CHD9: variants seen among roughly 807,000 people sequenced by gnomAD.
CHD9 encodes chromodomain helicase DNA binding protein 9.
CHD9 carries 77 observed loss-of-function variants against 316.1 expected under a neutral mutation model. The ratio of observed to expected loss-of-function variants is 0.24; its 90% CI spans 0.20 to 0.29. The LOEUF (loss-of-function observed/expected upper bound fraction) is 0.29, where lower values mean the gene tolerates loss of function less well. CHD9 is among the 10% of genes least tolerant of loss of function. The pLI is 1.00. For missense variants in CHD9, 2,763 were observed against 3,438.1 expected, an observed-to-expected ratio of 0.80 and a Z score of 4.91; for synonymous variants, 1,129 against 1,158.3, an observed-to-expected ratio of 0.97 and a Z score of 0.51.
chr16:53,248,354 G>A (rs2049825815), intron 16 of CHD9, among the ~76,000 whole-genome samples: 1 of 149,882 alleles, frequency 6.7e-6, no homozygotes, highest in South Asian at 2.1e-4. Flanking sequence ...AAAAAAAATT[G>A]TCTAATCAGT....
chr16:53,140,416 CAAA>C (rs544725340), intron 1 of CHD9, among the ~76,000 whole-genome samples: 9 of 99,316 alleles, frequency 9.1e-5, no homozygotes, highest in Admixed American at 2.4e-4. Flanking sequence ...AACTCTGTCT[CAAA>C]AAAAAAAAAA....
chr16:53,056,844 G>A (rs1414115958), intron 1 of CHD9, among the ~76,000 whole-genome samples: 1 of 152,216 alleles, frequency 6.6e-6, no homozygotes. Flanking sequence ...AGAAAGTGCA[G>A]TAGATTCTCA....
chr16:53,077,998 G>A (rs568790929), intron 1 of CHD9, among the ~76,000 whole-genome samples: 9 of 152,206 alleles, frequency 5.9e-5, no homozygotes, highest in South Asian at 4.1e-4. Context: ...CGCTTGAACC[G>A]GGGAGGTGGA....
chr16:53,102,048 T>C (rs1298080696), intron 1 of CHD9, among the ~76,000 whole-genome samples: 1 of 152,202 alleles, frequency 6.6e-6, no homozygotes, highest in Admixed American at 6.5e-5. Flanking sequence ...TCTACTCTCA[T>C]ACTTCAGGGC....
intron 32 of CHD9, among the ~76,000 whole-genome samples, chr16:53,307,301 C>G (rs1361665799): frequency 6.6e-6 from 1 of 152,120 alleles, no homozygotes; most frequent in Non-Finnish European, 1.5e-5. Flanking sequence ...CACGGTCTTA[C>G]TCTGTCACCC....
chr16:53,199,129 C>T (rs990656943), intron 2 of CHD9, among the ~76,000 whole-genome samples: 13 of 151,874 alleles, frequency 8.6e-5, no homozygotes, highest in African/African-American at 3.1e-4. Context: ...TGGGGGTTCC[C>T]AAAAGTACCC....
chr16:53,259,628 G>A (rs998210592), intron 19 of CHD9, among the ~76,000 whole-genome samples: 5 of 152,006 alleles, frequency 3.3e-5, no homozygotes, highest in African/African-American at 7.2e-5. Flanking sequence ...TCCTCCTGCC[G>A]CAGCCTCCCA....
chr16:53,300,751 T>C (rs999437052), intron 30 of CHD9, among the ~76,000 whole-genome samples: 40 of 152,264 alleles, frequency 2.6e-4, no homozygotes, highest in African/African-American at 9.4e-4. Context: ...CATAAACCAG[T>C]GCAGGCACAG....
intron 2 of CHD9, among the ~76,000 whole-genome samples, chr16:53,203,170 G>A (rs2045600170): frequency 6.6e-6 from 1 of 152,066 alleles, no homozygotes; most frequent in Non-Finnish European, 1.5e-5. Context: ...TAATTATTAT[G>A]CTTCTATTTT....
chr16:53,083,894 G>C (rs532725528), intron 1 of CHD9, among the ~76,000 whole-genome samples: 1 of 152,108 alleles, frequency 6.6e-6, no homozygotes, highest in Non-Finnish European at 1.5e-5. Flanking sequence ...AGGACTACAA[G>C]TGTGCATCAC....
intron 34 of CHD9, among the ~76,000 whole-genome samples, chr16:53,313,128 A>G (rs1240843760): frequency 6.6e-6 from 1 of 152,146 alleles, no homozygotes; most frequent in Non-Finnish European, 1.5e-5. Flanking sequence ...TTGAGTGCCT[A>G]CTGAAATGAA....
At chr16:53,223,669 A>T (rs1473306418) in intron 4 of CHD9, among the ~76,000 whole-genome samples, 1 of 152,198 alleles carries the variant, frequency 6.6e-6, no homozygotes, top group South Asian at 2.1e-4. Flanking sequence ...TGTAATTTTC[A>T]AACAATGACA....
intron 12 of CHD9, among the ~76,000 whole-genome samples, chr16:53,241,865 T>C (rs2049129200): frequency 1.3e-5 from 2 of 152,186 alleles, no homozygotes; most frequent in East Asian, 3.9e-4. Flanking sequence ...TAAAAATTTA[T>C]GTCAAATCAG....
chr16:53,118,627 A>G (rs1304530654), intron 1 of CHD9, among the ~76,000 whole-genome samples: 1 of 152,124 alleles, frequency 6.6e-6, no homozygotes, highest in Non-Finnish European at 1.5e-5. Flanking sequence ...CTCATTCTCT[A>G]AAACCATGGG....
chr16:53,166,260 CAG>C (rs2042262323), intron 2 of CHD9, among the ~76,000 whole-genome samples: 1 of 152,112 alleles, frequency 6.6e-6, no homozygotes, highest in Non-Finnish European at 1.5e-5. Context: ...ATCAGAGTAA[CAG>C]ACATTCCTGT....
At chr16:53,242,209 A>G (rs79621467) in intron 12 of CHD9, among the ~76,000 whole-genome samples, 4 of 152,210 alleles carry the variant, frequency 2.6e-5, no homozygotes, top group Admixed American at 6.5e-5. Context: ...CTCCAACCTT[A>G]TACTTCTTAT....
At chr16:53,290,653 T>C (rs912851348) in intron 27 of CHD9, among the ~76,000 whole-genome samples, 1 of 151,788 alleles carries the variant, frequency 6.6e-6, no homozygotes, top group African/African-American at 2.4e-5. Context: ...TGACATTTGC[T>C]TGTAGTCCCA....
At chr16:53,178,162 C>T (rs2043213486) in intron 2 of CHD9, among the ~76,000 whole-genome samples, 1 of 152,092 alleles carries the variant, frequency 6.6e-6, no homozygotes, top group Non-Finnish European at 1.5e-5. Context: ...CCTTTTGACC[C>T]CAGGAGGACT....
At chr16:53,221,771 A>G (rs2152904243) in intron 3 of CHD9, among the ~76,000 whole-genome samples, 1 of 152,342 alleles carries the variant, frequency 6.6e-6, no homozygotes, top group African/African-American at 2.4e-5. Context: ...GCCTTAACAT[A>G]AGTGAAAGAA....
Sources: allele counts gnomAD v4.1 joint callset (sites outside exome capture counted in the v4.1 genomes callset), GRCh38; gene constraint gnomAD v4.1.1; transcripts MANE v1.5; gene names NCBI Gene and HGNC (gene_info 2026-07-23, HGNC 2026-07-21).